The following FAM83F variants were observed in gnomAD, a reference collection of about 807,000 sequenced individuals.
The protein encoded by FAM83F is scaffolding CK1 anchoring protein F.
FAM83F carries 45 observed loss-of-function variants against 42.9 expected under a neutral mutation model. That is an observed-to-expected ratio of 1.05 (90% CI 0.83 to 1.35). The LOEUF (loss-of-function observed/expected upper bound fraction) is 1.35. FAM83F is among the 40% of genes most tolerant of loss of function. The pLI is 0.00. For synonymous variants in FAM83F, 306 were observed against 298.3 expected, an observed-to-expected ratio of 1.03 and a Z score of -0.27; for missense variants, 617 against 695.9, an observed-to-expected ratio of 0.89 and a Z score of 1.28.
At chr22:39,997,910 C>G (rs990306925) in intron 1 of FAM83F, 4 of 152,260 alleles carry the variant, frequency 2.6e-5, no homozygotes, top group African/African-American at 9.7e-5. Context: ...CTCTTCTTCC[C>G]GAAGACCCTG....
At chr22:40,013,538 C>G (rs1290706507) in intron 1 of FAM83F, among the ~76,000 whole-genome samples, 1 of 152,194 alleles carries the variant, frequency 6.6e-6, no homozygotes, top group Non-Finnish European at 1.5e-5. Flanking sequence ...TAATTCAATT[C>G]TTATTGCTAT....
chr22:39,997,800 C>A (rs866851956), intron 1 of FAM83F: 4 of 152,366 alleles, frequency 2.6e-5, no homozygotes, highest in Middle Eastern at 3.4e-3. Context: ...CAGGCAACCA[C>A]CCCCAAGGAA....
intron 1 of FAM83F, among the ~76,000 whole-genome samples, chr22:40,004,070 C>T (rs1362337377): frequency 6.6e-6 from 1 of 152,044 alleles, no homozygotes; most frequent in African/African-American, 2.4e-5. Flanking sequence ...TTTGCTCATT[C>T]ACTCACCATG....
Position 40,008,328 on chromosome 22 carries a change from C to T in FAM83F, c.490-10840C>T, listed in dbSNP as rs528007845. On this transcript the variant is annotated intron_variant, in intron 1 of 4. Coordinates refer to ENST00000333407, the MANE Select transcript of FAM83F (RefSeq NM_138435.4). ...GTCTCCTTCTTTCTCGCCCCCTCTCCTGAAGTGGTGGCCCCTTTGTTCTGG... is the reference window on the plus strand; with the variant it reads ...GTCTCCTTCTTTCTCGCCCCCTCTCTTGAAGTGGTGGCCCCTTTGTTCTGG... 3.4e-3 allele frequency among the ~76,000 whole-genome samples: 514 copies of T among 152,348 alleles called. 2 individuals carry two copies. The highest frequency in any genetic ancestry group is 5.3e-3 in the Non-Finnish European group (362 of 68,028).
chr22:40,016,208 T>C (rs895398275), intron 1 of FAM83F, among the ~76,000 whole-genome samples: 2 of 152,052 alleles, frequency 1.3e-5, no homozygotes, highest in South Asian at 4.1e-4. Flanking sequence ...GTTTTTTTAT[T>C]TTTTTTTGAG....
intron 1 of FAM83F, chr22:40,009,882 G>A (rs748388161): frequency 6.6e-6 from 1 of 152,190 alleles, no homozygotes; most frequent in Non-Finnish European, 1.5e-5. Flanking sequence ...TGGAAATGCC[G>A]GCAGTTTAAT....
chr22:40,030,127 C>A lies in FAM83F; in HGVS notation c.*562C>A. 6.5e-6 allele frequency: 1 copy of A among 154,808 alleles called. No homozygotes were observed. Among genetic ancestry groups the A allele is most frequent in the Non-Finnish European group, 1.4e-5 (1 of 69,438 alleles). The allele number at this position is 154,808 out of a possible 1,614,324, so 9.6% of individuals were successfully genotyped here. On this transcript the variant is annotated 3_prime_UTR_variant, in exon 5 of 5. Coordinates refer to ENST00000333407, the MANE Select transcript of FAM83F (RefSeq NM_138435.4). Reference sequence around the variant, plus strand: ...CAGGGGCACTGGCTGCAGTGGCCTTCCTGGCCCCATCCCTGCAGGCTCCTG... The same window carrying A: ...CAGGGGCACTGGCTGCAGTGGCCTTACTGGCCCCATCCCTGCAGGCTCCTG...
At chr22:40,007,645 C>A (rs117976479) in intron 1 of FAM83F, among the ~76,000 whole-genome samples, 3,605 of 105,216 alleles carry the variant, frequency 0.034, 60 homozygotes, top group Non-Finnish European at 0.05. Flanking sequence ...CTCTCCTCTT[C>A]TCTCCTCCTC....
intron 3 of FAM83F, among the ~76,000 whole-genome samples, chr22:40,020,389 G>T (rs944424801): frequency 5.6e-5 from 8 of 142,626 alleles, no homozygotes; most frequent in African/African-American, 2.1e-4. Flanking sequence ...TTGAGACGGA[G>T]TCTTGCTCCG....
chr22:40,037,825 C>T lies in FAM83F; in HGVS notation c.*8260C>T, dbSNP rs901800184. 4.6e-5 allele frequency: 7 copies of T among 152,110 alleles called. No homozygotes were observed. Among genetic ancestry groups the T allele is most frequent in the African/African-American group, 1.4e-4 (6 of 41,402 alleles). 9.4% of individuals were successfully genotyped at this position (152,110 alleles called of 1,614,324 possible). A position where few individuals can be genotyped will look rare whatever the true frequency, so the allele number is the denominator to read the frequency against. On this transcript the variant is annotated 3_prime_UTR_variant, in exon 5 of 5. Transcript: ENST00000333407. ...CTCAAACTCCTAGGTTCAGGTGATC[C>T]TCCCGCCTCAGCCTCCCAAGTAGCT...
At chr22:39,999,456 C>T (rs2067387042) in intron 1 of FAM83F, among the ~76,000 whole-genome samples, 1 of 152,230 alleles carries the variant, frequency 6.6e-6, no homozygotes, top group South Asian at 2.1e-4. Flanking sequence ...ATTCCTGGCT[C>T]ACACCCAGAT....
intron 1 of FAM83F, among the ~76,000 whole-genome samples, chr22:40,008,888 T>C (rs536350030): frequency 6.6e-6 from 1 of 152,268 alleles, no homozygotes; most frequent in East Asian, 1.9e-4. Context: ...CTCTACCCTC[T>C]GTGGGAAAGG....
Position 40,042,120 on chromosome 22 carries a change from T to G in FAM83F, c.*12555T>G, listed in dbSNP as rs1442139700. The G allele has an allele frequency of 6.6e-6, 1 of 152,192 alleles. No individual in the cohort carries two copies. Among genetic ancestry groups the G allele is most frequent in the Non-Finnish European group, 1.5e-5 (1 of 68,024 alleles). The allele number at this position is 152,192 out of a possible 1,614,324, so 9.4% of individuals were successfully genotyped here. On this transcript the variant is annotated 3_prime_UTR_variant, in exon 5 of 5. Transcript: ENST00000333407. ...CAAGCAATCCTTCCGCCTTGGCCTC[T>G]CAAATTGCTGGGATTACAAGCATAA...
chr22:40,028,695 A>G (rs1368600102), intron 4 of FAM83F, among the ~76,000 whole-genome samples: 1 of 152,194 alleles, frequency 6.6e-6, no homozygotes, highest in Non-Finnish European at 1.5e-5. Flanking sequence ...GAAGAAGAGA[A>G]ATCAGCTTCT....
At position 40,015,215 on chromosome 22, in the gene FAM83F, G is replaced by A. The variant is rs192379823; in HGVS notation, c.490-3953G>A. Among the ~76,000 whole-genome samples, 9 of 152,294 alleles carry A rather than the reference G, an allele frequency of 5.9e-5. No individual in the cohort carries two copies. In the East Asian group the frequency reaches 1.2e-3, roughly 20 times the overall value. On this transcript the variant is annotated intron_variant, in intron 1 of 4. Coordinates refer to ENST00000333407, the MANE Select transcript of FAM83F (RefSeq NM_138435.4). ...CAGGCTGGAGATGCTGGGAAGAGCCGCAGTTTGAGCCCAGAGGCAGTCTGC... is the reference window on the plus strand; with the variant it reads ...CAGGCTGGAGATGCTGGGAAGAGCCACAGTTTGAGCCCAGAGGCAGTCTGC...
rs938148235 is a variant in FAM83F, at chr22:40,036,113, A to C, written c.*6548A>C. On this transcript the variant is annotated 3_prime_UTR_variant, in exon 5 of 5. Coordinates refer to ENST00000333407, the MANE Select transcript of FAM83F (RefSeq NM_138435.4). ...CCTGCAGCCTCAAACTCCTGGGCTC[A>C]ATGAGTTCCTTGAGATCTTCCATCC... The C allele has an allele frequency of 6.6e-6, 1 of 152,128 alleles. No homozygotes were observed. The highest frequency in any genetic ancestry group is 2.4e-5 in the African/African-American group (1 of 41,404). 9.4% of individuals were successfully genotyped at this position (152,128 alleles called of 1,614,324 possible).
Position 40,030,564 on chromosome 22 carries a change from CGA to C in FAM83F, c.*1003_*1004del, listed in dbSNP as rs1384951689. 1 of 152,232 alleles carries C rather than the reference CGA, an allele frequency of 6.6e-6. No individual in the cohort carries two copies. The highest frequency in any genetic ancestry group is 2.4e-5 in the African/African-American group (1 of 41,466). 9.4% of individuals were successfully genotyped at this position (152,232 alleles called of 1,614,324 possible). On this transcript the variant is annotated 3_prime_UTR_variant, in exon 5 of 5. Transcript: ENST00000333407. ...TGGCCAGACTGGCCTTTGCCTCCTGCGAGAGTCAGGCCATTTTTAGGAGCCTG... is the reference window on the plus strand; with the variant it reads ...TGGCCAGACTGGCCTTTGCCTCCTGCGAGTCAGGCCATTTTTAGGAGCCTG...
At chr22:40,000,898 A>G (rs1038216377) in intron 1 of FAM83F, among the ~76,000 whole-genome samples, 2 of 152,212 alleles carry the variant, frequency 1.3e-5, no homozygotes, top group Admixed American at 1.3e-4. Flanking sequence ...CCAGGGACCC[A>G]CAGGCCCCAT....
At chr22:40,006,721 A>G (rs2067431167) in intron 1 of FAM83F, among the ~76,000 whole-genome samples, 1 of 152,188 alleles carries the variant, frequency 6.6e-6, no homozygotes, top group Non-Finnish European at 1.5e-5. Flanking sequence ...AAGGGTCTGC[A>G]GCCAAGCTGA....
Sources: gnomAD v4.1 joint callset for allele counts (sites outside exome capture counted in the v4.1 genomes callset) on GRCh38, gnomAD v4.1.1 for gene constraint, MANE v1.5 for transcripts, NCBI Gene and HGNC (gene_info 2026-07-23, HGNC 2026-07-21) for gene names.